The following KCNN2 variants were observed in gnomAD, a reference collection of about 807,000 sequenced individuals.
The protein encoded by KCNN2 is potassium calcium-activated channel subfamily N member 2, also known as small conductance calcium-activated potassium channel protein 2.
Under a neutral mutation model 55.5 loss-of-function variants are expected in KCNN2, and 24 were observed. The observed-to-expected ratio is 0.43, with a 90% CI of 0.31 to 0.61. The LOEUF (loss-of-function observed/expected upper bound fraction) is 0.61, where lower values mean the gene tolerates loss of function less well. Among genes scored for constraint, KCNN2 ranks in the 20% least tolerant of loss-of-function variants. The pLI is 0.08. For synonymous variants in KCNN2, 431 were observed against 336.1 expected, an observed-to-expected ratio of 1.28 and a Z score of -3.09; for missense variants, 754 against 853.6, an observed-to-expected ratio of 0.88 and a Z score of 1.45.
chr5:114,275,916 A>T (rs1755478870), intron 2 of KCNN2, among the ~76,000 whole-genome samples: 2 of 151,520 alleles, frequency 1.3e-5, no homozygotes, highest in African/African-American at 2.4e-5. Flanking sequence ...TTTAATTGTG[A>T]GGTTAGGGTG....
At chr5:114,215,602 C>A (rs145538252) in intron 1 of KCNN2, among the ~76,000 whole-genome samples, 2 of 152,116 alleles carry the variant, frequency 1.3e-5, no homozygotes, top group African/African-American at 4.8e-5. Context: ...AATCGGACAC[C>A]CCTTTTGCAT....
intron 3 of KCNN2, among the ~76,000 whole-genome samples, chr5:114,421,887 G>T (rs1759481686): frequency 1.3e-5 from 2 of 152,222 alleles, no homozygotes; most frequent in Admixed American, 6.5e-5. Context: ...TTACAGGTGT[G>T]ATTACAGGCG....
At chr5:114,093,970 C>T (rs915453412) in intron 1 of KCNN2, among the ~76,000 whole-genome samples, 1 of 152,202 alleles carries the variant, frequency 6.6e-6, no homozygotes, top group African/African-American at 2.4e-5. Flanking sequence ...GGTTAAGGAA[C>T]CAATCTATGT....
intron 2 of KCNN2, among the ~76,000 whole-genome samples, chr5:114,287,754 A>AT (rs1491285782): frequency 7.8e-6 from 1 of 128,396 alleles, no homozygotes; most frequent in Non-Finnish European, 1.8e-5. Context: ...CAGAACTTAA[A>AT]TAAAAAAAAA....
chr5:114,337,723 C>T (rs1756945791), intron 2 of KCNN2, among the ~76,000 whole-genome samples: 1 of 152,108 alleles, frequency 6.6e-6, no homozygotes, highest in Non-Finnish European at 1.5e-5. Flanking sequence ...AATTCCCACT[C>T]TTGGCTCATA....
At chr5:114,347,746 C>G (rs1254818065) in intron 2 of KCNN2, among the ~76,000 whole-genome samples, 2 of 151,956 alleles carry the variant, frequency 1.3e-5, no homozygotes. Flanking sequence ...AAAACACAAA[C>G]CAAAAGAAAA....
intron 1 of KCNN2, among the ~76,000 whole-genome samples, chr5:114,149,805 A>C (rs1752482255): frequency 1.3e-5 from 2 of 152,190 alleles, no homozygotes; most frequent in South Asian, 4.1e-4. Context: ...CAATCCATAG[A>C]AACAGGACGT....
At chr5:114,426,131 A>G (rs1015208681) in intron 3 of KCNN2, among the ~76,000 whole-genome samples, 1 of 152,150 alleles carries the variant, frequency 6.6e-6, no homozygotes, top group Admixed American at 6.5e-5. Context: ...CAGTAAGCCA[A>G]GATCATGCCA....
chr5:114,493,363 G>A (rs1747955511), intron 6 of KCNN2, 40 bp from the exon 7 acceptor site: 1 of 1,262,050 alleles, frequency 7.9e-7, no homozygotes, highest in Non-Finnish European at 1.2e-6. Context: ...ATTGCCATAG[G>A]AAGAAGGGAA....
intron 2 of KCNN2, among the ~76,000 whole-genome samples, chr5:114,260,028 C>A (rs1241030174): frequency 6.6e-6 from 1 of 152,148 alleles, no homozygotes; most frequent in Non-Finnish European, 1.5e-5. Context: ...CCTCCCAGCC[C>A]TCGTCTGATT....
chr5:114,416,099 A>T (rs1256907932), intron 3 of KCNN2, among the ~76,000 whole-genome samples: 1 of 152,214 alleles, frequency 6.6e-6, no homozygotes, highest in Non-Finnish European at 1.5e-5. Context: ...GAGCAAAAAA[A>T]GACTGTTTTT....
At chr5:114,485,499 G>T (rs1192023227) in intron 5 of KCNN2, among the ~76,000 whole-genome samples, 2 of 152,166 alleles carry the variant, frequency 1.3e-5, no homozygotes, top group Non-Finnish European at 2.9e-5. Flanking sequence ...AGGATCAGAT[G>T]AAAAAAGCTT....
chr5:114,354,968 T>G (rs1237671342), intron 2 of KCNN2, among the ~76,000 whole-genome samples: 2 of 152,220 alleles, frequency 1.3e-5, no homozygotes, highest in Non-Finnish European at 2.9e-5. Context: ...AGACAACCCT[T>G]GCTTAGAAGA....
intron 1 of KCNN2, among the ~76,000 whole-genome samples, chr5:114,206,996 C>A: frequency 6.6e-6 from 1 of 152,258 alleles, no homozygotes; most frequent in East Asian, 1.9e-4. Context: ...TCTGTGCCCC[C>A]TACAAAGGAC....
intron 2 of KCNN2, among the ~76,000 whole-genome samples, chr5:114,401,772 T>C (rs1446486172): frequency 2.0e-5 from 3 of 152,080 alleles, no homozygotes; most frequent in Admixed American, 2.0e-4. Context: ...GAAGCATGAT[T>C]AGGTTGGTGT....
At chr5:114,349,577 T>G (rs886189270) in intron 2 of KCNN2, among the ~76,000 whole-genome samples, 7 of 152,044 alleles carry the variant, frequency 4.6e-5, no homozygotes, top group Non-Finnish European at 8.8e-5. Flanking sequence ...AAATAAAAAA[T>G]CAGAAACACT....
chr5:114,186,440 G>A (rs1753336893), intron 1 of KCNN2, among the ~76,000 whole-genome samples: 1 of 152,034 alleles, frequency 6.6e-6, no homozygotes, highest in African/African-American at 2.4e-5. Context: ...TGGAAGTAAG[G>A]TATTAAATAA....
chr5:114,444,978 C>G (rs931947226), intron 3 of KCNN2, among the ~76,000 whole-genome samples: 1 of 152,106 alleles, frequency 6.6e-6, no homozygotes, highest in African/African-American at 2.4e-5. Context: ...TCTAAACCAG[C>G]AGGTTGTTTA....
At chr5:114,363,855 C>T (rs1157244332) in intron 1 of KCNN2, 51 bp from the exon 2 acceptor site, 7 of 1,327,118 alleles carry the variant, frequency 5.3e-6, no homozygotes, top group South Asian at 4.8e-5. Flanking sequence ...ACGTGGAAGG[C>T]GGTTAAAAGT....
Sources: gnomAD v4.1 joint callset for allele counts (sites outside exome capture counted in the v4.1 genomes callset) on GRCh38, gnomAD v4.1.1 for gene constraint, MANE v1.5 for transcripts, NCBI Gene and HGNC (gene_info 2026-07-23, HGNC 2026-07-21) for gene names.